CDH4: variants seen among roughly 807,000 people sequenced by gnomAD.
CDH4 encodes cadherin-4.
Under a neutral mutation model 86.0 loss-of-function variants are expected in CDH4, and 33 were observed. The observed-to-expected ratio is 0.38, with a 90% CI of 0.29 to 0.51. The LOEUF is 0.51. Among genes scored for constraint, CDH4 ranks in the 20% least tolerant of loss-of-function variants. The pLI is 0.86. For synonymous variants in CDH4, 555 were observed against 549.4 expected, an observed-to-expected ratio of 1.01 and a Z score of -0.14; for missense variants, 1,114 against 1,307.4, an observed-to-expected ratio of 0.85 and a Z score of 2.28.
At chr20:61,565,083 GTGGTGCTCTT>G (rs2086256345) in intron 2 of CDH4, among the ~76,000 whole-genome samples, 1 of 131,002 alleles carries the variant, frequency 7.6e-6, no homozygotes, top group Non-Finnish European at 1.7e-5. Context: ...GGTGGTGGTG[GTGGTGCTCTT>G]GGTGGTGCTC....
At chr20:61,883,345 C>T (rs192313546) in intron 7 of CDH4, among the ~76,000 whole-genome samples, 6 of 152,330 alleles carry the variant, frequency 3.9e-5, no homozygotes, top group Admixed American at 1.3e-4. Context: ...CCCCTAGAGC[C>T]ATGCTTCCAA....
intron 2 of CDH4, among the ~76,000 whole-genome samples, chr20:61,624,718 T>G (rs1238111600): frequency 5.3e-5 from 8 of 152,198 alleles, no homozygotes; most frequent in Non-Finnish European, 1.0e-4. Flanking sequence ...CAGTGGTGAA[T>G]TCTCTGTTGA....
chr20:61,415,969 G>A (rs554248275), intron 2 of CDH4, among the ~76,000 whole-genome samples: 16 of 150,884 alleles, frequency 1.1e-4, no homozygotes, highest in African/African-American at 3.9e-4. Context: ...TAAAGTGCTA[G>A]GATTACAGGC....
intron 7 of CDH4, among the ~76,000 whole-genome samples, chr20:61,890,831 C>T (rs989860499): frequency 6.6e-6 from 1 of 152,056 alleles, no homozygotes; most frequent in Non-Finnish European, 1.5e-5. Context: ...TCAACAGACA[C>T]CGATTACCTA....
At chr20:61,920,899 G>A (rs1368903076) in intron 9 of CDH4, among the ~76,000 whole-genome samples, 1 of 149,798 alleles carries the variant, frequency 6.7e-6, no homozygotes, top group Non-Finnish European at 1.5e-5. Flanking sequence ...CATGGTGATT[G>A]CATGGAAGCG....
rs1309909752 is a variant in CDH4 at position 61,816,147 on chromosome 20, T to C, written c.577-28521T>C. 3.9e-5 allele frequency among the ~76,000 whole-genome samples: 6 copies of C among 152,310 alleles called. No homozygotes were observed. In the East Asian group the frequency reaches 9.7e-4, roughly 25 times the overall value. On this transcript the variant is annotated intron_variant, in intron 4 of 15. Coordinates refer to ENST00000614565, the MANE Select transcript of CDH4 (RefSeq NM_001794.5). ...ACCTGGAGTCTGTCCCGTGGCAGCCTTGGGAAGAAGCAGGTTATCTCCAGG... is the reference window on the plus strand; with the variant it reads ...ACCTGGAGTCTGTCCCGTGGCAGCCCTGGGAAGAAGCAGGTTATCTCCAGG...
chr20:61,548,239 C>T (rs543828875), intron 2 of CDH4, among the ~76,000 whole-genome samples: 7 of 152,188 alleles, frequency 4.6e-5, no homozygotes, highest in South Asian at 2.1e-4. Context: ...TCCGAGCAGA[C>T]GGGTGGTTTC....
Position 61,923,548 on chromosome 20 carries a change from C to T in CDH4, c.1472C>T (p.Thr491Met), listed in dbSNP as rs376705018. Residue 491 changes from threonine (T) to methionine (M), a missense_variant, in exon 10 of 16, where the codon ACG (threonine) becomes ATG (methionine). Thr to Met is a moderately conservative substitution (Grantham distance 81, BLOSUM62 -1). This residue lies in a region of CDH4 where 705 missense variants were observed against 914.1 expected (regional missense o/e 0.77). Transcript: ENST00000614565. ...GGAATCCAGATGTCCTTCCAGTCCA[C>T]GGCAGGGGTGACCATCTCCATCATG... The part of the protein sequence containing the change: ...ASGIQMSFQS[T>M]AGVTISIMDI... 5.6e-6 allele frequency: 9 copies of T among 1,614,074 alleles called. No homozygotes were observed. Among genetic ancestry groups the T allele is most frequent in the Non-Finnish European group, 7.6e-6 (9 of 1,180,034 alleles).
chr20:61,570,807 C>T, intron 2 of CDH4: 1 of 701,906 alleles, frequency 1.4e-6, no homozygotes, highest in East Asian at 2.7e-5. Context: ...ACCTTCTCTG[C>T]CGCGCCAGGG....
chr20:61,727,843 C>T (rs2088134016), intron 2 of CDH4, among the ~76,000 whole-genome samples: 1 of 152,236 alleles, frequency 6.6e-6, no homozygotes, highest in African/African-American at 2.4e-5. Flanking sequence ...CGACCACCCC[C>T]AGCCACAAGG....
At chr20:61,698,267 C>T (rs1391928370) in intron 2 of CDH4, among the ~76,000 whole-genome samples, 3 of 152,366 alleles carry the variant, frequency 2.0e-5, no homozygotes, top group Middle Eastern at 3.4e-3. Flanking sequence ...CAGCCCATGC[C>T]GGCGTCTGCC....
intron 2 of CDH4, among the ~76,000 whole-genome samples, chr20:61,306,852 C>T (rs1234968319): frequency 4.6e-5 from 7 of 152,222 alleles, no homozygotes; most frequent in Non-Finnish European, 1.0e-4. Context: ...AACTTTGTGT[C>T]GACAGAGCCC....
Position 61,619,431 on chromosome 20 carries a change from AT to A in CDH4, c.170-124124del, listed in dbSNP as rs369204653. Reference sequence around the variant, plus strand: ...GTATCTATTTTTTAAAACGCAAATAATTTTTTTTCATTCCCTAAACTATACC... The same window carrying A: ...GTATCTATTTTTTAAAACGCAAATAATTTTTTTCATTCCCTAAACTATACC... On this transcript the variant is annotated intron_variant, in intron 2 of 15. Coordinates refer to ENST00000614565, the MANE Select transcript of CDH4 (RefSeq NM_001794.5). Among the ~76,000 whole-genome samples, 42 of 152,114 alleles carry A rather than the reference AT, an allele frequency of 2.8e-4. 1 individual carries two copies. In the East Asian group the frequency reaches 7.9e-3, roughly 29 times the overall value.
intron 9 of CDH4, among the ~76,000 whole-genome samples, chr20:61,922,767 T>C (rs1165426359): frequency 1.3e-5 from 2 of 152,138 alleles, no homozygotes; most frequent in Non-Finnish European, 2.9e-5. Context: ...TCTCTCTGTT[T>C]TGAAATTTTG....
At chr20:61,280,586 T>C (rs1600829598) in intron 2 of CDH4, among the ~76,000 whole-genome samples, 1 of 152,224 alleles carries the variant, frequency 6.6e-6, no homozygotes, top group Non-Finnish European at 1.5e-5. Flanking sequence ...TGAAAAATAC[T>C]GTGTTTATTT....
rs558361065 is a variant in CDH4 at position 61,582,366 on chromosome 20, C to T, written c.170-161197C>T. Among the ~76,000 whole-genome samples the T allele has an allele frequency of 1.3e-5, 2 of 152,344 alleles. No individual in the cohort carries two copies. Among genetic ancestry groups the T allele is most frequent in the South Asian group, 2.1e-4 (1 of 4,830 alleles). The stretch of plus-strand genomic sequence containing the variant: ...TGTTCAAGCGCAGTGAAAAAGGCAG[C>T]GTGAGCCCTGGGGCTTTCCCAGGGC... On this transcript the variant is annotated intron_variant, in intron 2 of 15. Coordinates refer to ENST00000614565, the MANE Select transcript of CDH4 (RefSeq NM_001794.5). The surrounding 1 kb of genome is among the most constrained non-coding windows in gnomAD (Gnocchi z 4.2).
At chr20:61,426,936 G>C (rs2085218523) in intron 2 of CDH4, among the ~76,000 whole-genome samples, 1 of 152,200 alleles carries the variant, frequency 6.6e-6, no homozygotes, top group South Asian at 2.1e-4. Context: ...CTAATTGTTA[G>C]TAATTTTTTG....
At chr20:61,595,023 TC>T (rs1234337212) in intron 2 of CDH4, among the ~76,000 whole-genome samples, 1 of 152,214 alleles carries the variant, frequency 6.6e-6, no homozygotes, top group African/African-American at 2.4e-5. Flanking sequence ...GTGGGCTCCA[TC>T]CGGGCACCCT....
intron 2 of CDH4, among the ~76,000 whole-genome samples, chr20:61,734,918 C>T (rs186811692): frequency 6.5e-4 from 99 of 152,306 alleles, no homozygotes; most frequent in African/African-American, 2.3e-3. Context: ...CCAGCGCAGA[C>T]GATAGCCCCC....
Sources: gnomAD v4.1 joint callset for allele counts (sites outside exome capture counted in the v4.1 genomes callset) on GRCh38, gnomAD v4.1.1 for gene constraint, gnomAD v4.1.1 regional missense constraint, Gnocchi (gnomAD v3.1) non-coding constraint, MANE v1.5 for transcripts, NCBI Gene and HGNC (gene_info 2026-07-23, HGNC 2026-07-21) for gene names.